Variants in PDE4A observed in about 807,000 individuals in gnomAD.
PDE4A encodes the protein 3',5'-cyclic-AMP phosphodiesterase 4A.
PDE4A carries 21 observed loss-of-function variants against 73.9 expected under a neutral mutation model. That is an observed-to-expected ratio of 0.28 (90% CI 0.20 to 0.41). PDE4A has a LOEUF of 0.41. PDE4A is among the 10% of genes least tolerant of loss of function. The pLI, the probability that PDE4A is intolerant of heterozygous loss-of-function variation, is 1.00. For synonymous variants in PDE4A, 463 were observed against 505.4 expected (o/e 0.92, Z 1.13); for missense variants, 958 against 1,211.4 (o/e 0.79, Z 3.10).
chr19:10,461,275 G>T (rs1288698831), intron 11 of PDE4A, among the ~76,000 whole-genome samples, 172 bp downstream of exon 11: 8 of 134,182 alleles, frequency 6.0e-5, no homozygotes, highest in Admixed American at 5.9e-4. Flanking sequence ...GGCTGGCTGG[G>T]CTGGAAAGGG....
At chr19:10,441,684 A>ATTTTTTTTTTTTT (rs1308151510) in intron 1 of PDE4A, among the ~76,000 whole-genome samples, 1 of 92,724 alleles carries the variant, frequency 1.1e-5, no homozygotes, top group Non-Finnish European at 2.1e-5. Context: ...ATTTTGAGTT[A>ATTTTTTTTTTTTT]TTTTTTTTTT....
chr19:10,463,392 ATTCTT>A (rs2043308593), intron 13 of PDE4A, among the ~76,000 whole-genome samples: 1 of 113,910 alleles, frequency 8.8e-6, no homozygotes, highest in East Asian at 2.7e-4. Flanking sequence ...GCCCAGCCCC[ATTCTT>A]TTTTTTTTTT....
Position 10,467,452 on chromosome 19 carries a change from A to G in PDE4A, c.2492A>G (p.Glu831Gly), listed in dbSNP as rs748673397. 2.5e-6 allele frequency: 4 copies of G among 1,613,374 alleles called. No individual in the cohort carries two copies. In the East Asian group the frequency reaches 8.9e-5, roughly 36 times the overall value. ...GCTTGGAGGACCCTGTCTGTTTCAG[A>G]GCATGCCCCGGGCCTCCCGGGCCTC... is the stretch of plus-strand genomic sequence containing the variant. ...LPAWRTLSVS[E>G]HAPGLPGLPS... Residue 831 changes from glutamate (E) to glycine (G), a missense_variant, in exon 15 of 15, where the codon GAG (glutamate) becomes GGG (glycine). By Grantham distance (98) the Glu-to-Gly change is moderately conservative (BLOSUM62 -2). Transcript: ENST00000380702.
intron 1 of PDE4A, among the ~76,000 whole-genome samples, chr19:10,437,414 G>T (rs2145491860): frequency 6.6e-6 from 1 of 151,678 alleles, no homozygotes; most frequent in African/African-American, 2.4e-5. Context: ...AAGCCACCGT[G>T]CCCGGCCTTT....
intron 13 of PDE4A, among the ~76,000 whole-genome samples, chr19:10,462,392 T>TCC (rs370123812): frequency 6.8e-6 from 1 of 146,062 alleles, no homozygotes; most frequent in Non-Finnish European, 1.5e-5. Context: ...CCTCAGGTGA[T>TCC]CCCCCCCCGC....
At chr19:10,419,232 G>GC (rs1365834534), upstream of PDE4A, 8 of 204,176 alleles carry the variant, frequency 3.9e-5, 1 homozygote, top group Admixed American at 3.3e-4. Flanking sequence ...GGCGTGGGGG[G>GC]GGGGGGCGGT....
intron 7 of PDE4A, among the ~76,000 whole-genome samples, chr19:10,456,298 T>G (rs986855018): frequency 6.6e-6 from 1 of 151,668 alleles, no homozygotes; most frequent in African/African-American, 2.4e-5. Context: ...AAGGCCGAGG[T>G]GGGCAGATCA....
chr19:10,434,660 G>C (rs2042840911), intron 1 of PDE4A, among the ~76,000 whole-genome samples: 1 of 151,446 alleles, frequency 6.6e-6, no homozygotes, highest in African/African-American at 2.4e-5. Context: ...GTGCGATCTT[G>C]CCTCACTGCA....
chr19:10,461,875 A>C lies in PDE4A; in HGVS notation c.1621-2A>C. 6.2e-7 allele frequency: 1 copy of C among 1,612,570 alleles called. No homozygotes were observed. Among genetic ancestry groups the C allele is most frequent in the Non-Finnish European group, 8.5e-7 (1 of 1,179,328 alleles). On this transcript the variant is annotated splice_acceptor_variant, in intron 12 of 14. Transcript: ENST00000380702. LOFTEE classifies it high-confidence loss of function. Reference sequence around the variant, plus strand: ...GCCCCAGTGACGCCCCCTTGCCCGCAGGTGCTGGCCACGGACATGTCCAAG... The same window carrying C: ...GCCCCAGTGACGCCCCCTTGCCCGCCGGTGCTGGCCACGGACATGTCCAAG...
intron 1 of PDE4A, among the ~76,000 whole-genome samples, chr19:10,437,570 C>A (rs1215924944): frequency 6.6e-6 from 1 of 151,880 alleles, no homozygotes; most frequent in Non-Finnish European, 1.5e-5. Flanking sequence ...TACACATGCA[C>A]CACCATGCTC....
chr19:10,449,977 C>G (rs1485110397), intron 4 of PDE4A, among the ~76,000 whole-genome samples: 2 of 151,938 alleles, frequency 1.3e-5, no homozygotes, highest in African/African-American at 4.8e-5. Flanking sequence ...GTCTGTGGTT[C>G]CCACCTACAC....
intron 1 of PDE4A, chr19:10,430,950 CCGCG>C (rs1568366717): frequency 1.3e-6 from 2 of 1,529,362 alleles, no homozygotes; most frequent in East Asian, 5.1e-5. Context: ...GCCCCTGGCC[CCGCG>C]CGCGCCCCGC....
Position 10,463,785 on chromosome 19 carries a change from C to G in PDE4A, c.1744-8C>G. ...CTGAAGTTTCCCCTGTGCCCCAACC[C>G]CATGCAGGTCCTCCGGAACATGGTG... On this transcript the variant is annotated splice_polypyrimidine_tract_variant and splice_region_variant and intron_variant, in intron 13 of 14. Transcript: ENST00000380702. 1 of 1,613,966 alleles carries G rather than the reference C, an allele frequency of 6.2e-7. No homozygotes were observed. The highest frequency in any genetic ancestry group is 8.5e-7 in the Non-Finnish European group (1 of 1,179,850).
Position 10,453,923 on chromosome 19 carries a change from G to A in PDE4A, c.784-906G>A, listed in dbSNP as rs926996551. Among the ~76,000 whole-genome samples the A allele has an allele frequency of 2.4e-4, 37 of 152,088 alleles. No homozygotes were observed. The highest frequency in any genetic ancestry group is 8.9e-4 in the African/African-American group (37 of 41,390). On this transcript the variant is annotated intron_variant, in intron 6 of 14. Coordinates refer to ENST00000380702, the MANE Select transcript of PDE4A (RefSeq NM_001111307.2). The surrounding 1 kb of genome is among the most constrained non-coding windows in gnomAD (Gnocchi z 4.6). ...GAGGGAGCACCCCGTCCAAGCCTGG[G>A]CCATGCAGGCTCACCCCTCCTGCCA...
chr19:10,430,556 C>G (rs1022276606), intron 1 of PDE4A, among the ~76,000 whole-genome samples: 5 of 151,928 alleles, frequency 3.3e-5, no homozygotes, highest in African/African-American at 4.8e-5. Context: ...AGTGTCCCCA[C>G]AGATTTGGGG....
At chr19:10,451,268 AC>A (rs1297148806) in intron 6 of PDE4A, among the ~76,000 whole-genome samples, 2 of 151,946 alleles carry the variant, frequency 1.3e-5, no homozygotes, top group South Asian at 4.1e-4. Flanking sequence ...GGTGGGGCCA[AC>A]CCCTGGGCGG....
intron 1 of PDE4A, among the ~76,000 whole-genome samples, chr19:10,440,002 T>TTTTTG (rs34459763): frequency 6.8e-6 from 1 of 146,932 alleles, no homozygotes; most frequent in Admixed American, 6.7e-5. Flanking sequence ...TTTTTTTTTT[T>TTTTTG]GAGACGGAGT....
At position 10,459,646 on chromosome 19, in the gene PDE4A, T is replaced by G. The variant is rs771649978; in HGVS notation, c.1252T>G (p.Tyr418Asp). ...FRIPVDTMVTYMLTLEDHYHA... is the reference protein window; with the variant it reads ...FRIPVDTMVTDMLTLEDHYHA... ...CATCCCTGTGGACACGATGGTGACA[T>G]ACATGCTGACGCTGGAGGATCACTA... is the stretch of plus-strand genomic sequence containing the variant. Residue 418 changes from tyrosine (Y) to aspartate (D), a missense_variant, in exon 10 of 15, where the codon TAC (tyrosine) becomes GAC (aspartate). Physicochemically the swap from Tyr to Asp is radical, Grantham distance 160. Around this residue, in one of 3 missense-constraint regions of PDE4A, gnomAD observed 570 missense variants for 827.7 expected, o/e 0.69. Coordinates refer to ENST00000380702, the MANE Select transcript of PDE4A (RefSeq NM_001111307.2). The G allele has an allele frequency of 3.1e-6, 5 of 1,614,232 alleles. No individual in the cohort carries two copies. Among genetic ancestry groups the G allele is most frequent in the Non-Finnish European group, 4.2e-6 (5 of 1,180,034 alleles).
chr19:10,417,962 C>G, upstream of PDE4A: 1 of 1,378,374 alleles, frequency 7.3e-7, no homozygotes, highest in Non-Finnish European at 9.8e-7. Context: ...CTCCATGCTC[C>G]CTGCCGTTTG....
Sources: allele counts gnomAD v4.1 joint callset (sites outside exome capture counted in the v4.1 genomes callset), GRCh38; gene constraint gnomAD v4.1.1; regional missense constraint gnomAD v4.1.1; non-coding constraint Gnocchi (gnomAD v3.1); transcripts MANE v1.5; gene names NCBI Gene and HGNC (gene_info 2026-07-23, HGNC 2026-07-21).